TTC29: variants seen among roughly 807,000 people sequenced by gnomAD.
TTC29 encodes the protein tetratricopeptide repeat domain 29.
TTC29 carries 49 observed loss-of-function variants against 58.1 expected under a neutral mutation model. The ratio of observed to expected loss-of-function variants is 0.84; its 90% CI spans 0.67 to 1.07. TTC29 has a LOEUF of 1.07. Ranked by LOEUF, TTC29 falls within the 50% of genes least tolerant of loss-of-function variation. The probability of loss-of-function intolerance (pLI) is 0.00; values close to 1 mark genes in which losing one functional copy is unlikely to be tolerated. For missense variants in TTC29, 582 were observed against 555.6 expected (o/e 1.05, Z -0.48); for synonymous variants, 209 against 196.8 (o/e 1.06, Z -0.52).
At chr4:146,866,438 A>G (rs1730571032) in intron 8 of TTC29, among the ~76,000 whole-genome samples, 1 of 152,010 alleles carries the variant, frequency 6.6e-6, no homozygotes, top group African/African-American at 2.4e-5. Flanking sequence ...TTTTTGGTGC[A>G]GCCTCCCTGG....
At chr4:146,839,314 A>G (rs1728700419) in intron 8 of TTC29, among the ~76,000 whole-genome samples, 1 of 152,088 alleles carries the variant, frequency 6.6e-6, no homozygotes, top group Non-Finnish European at 1.5e-5. Context: ...ATAATCATTT[A>G]TTGTATACCT....
chr4:146,864,797 A>G (rs1730462511), intron 8 of TTC29, among the ~76,000 whole-genome samples: 1 of 152,020 alleles, frequency 6.6e-6, no homozygotes, highest in African/African-American at 2.4e-5. Flanking sequence ...CCTTTTTCTT[A>G]TAAGAATGTT....
chr4:146,744,455 C>G (rs1430814921), intron 11 of TTC29, among the ~76,000 whole-genome samples: 1 of 152,074 alleles, frequency 6.6e-6, no homozygotes, highest in Non-Finnish European at 1.5e-5. Context: ...AATAGGTAAC[C>G]AGTAGCAGAG....
intron 8 of TTC29, among the ~76,000 whole-genome samples, chr4:146,855,415 A>AGC (rs375747987): frequency 1.9e-5 from 1 of 52,016 alleles, no homozygotes; most frequent in Non-Finnish European, 3.2e-5. Flanking sequence ...CCTGGGCGAC[A>AGC]GTGAGAATCC....
chr4:146,868,940 G>A (rs1296549026), intron 7 of TTC29, among the ~76,000 whole-genome samples: 1 of 151,854 alleles, frequency 6.6e-6, no homozygotes, highest in Admixed American at 6.6e-5. Context: ...CATGAGAGCT[G>A]ATTGCTTTAA....
In TTC29 at chr4:146,909,246, A is replaced by G. The variant is rs754534417; in HGVS notation, c.180T>C (p.Tyr60=). ...KGLSKEEVAA[Y]RNSYKKNICV... is the part of the protein sequence containing the mutation. ...AGATATTCTTCTTGTAGGAGTTCCT[A>G]TAACTGGAAATATGAATCAGAACAC... The change falls in exon 5 of 13, where the codon TAT becomes TAC. Residue 60 remains tyrosine, a synonymous_variant. Coordinates refer to ENST00000325106, the MANE Select transcript of TTC29 (RefSeq NM_031956.4). 1.7e-5 allele frequency: 27 copies of G among 1,605,076 alleles called. No homozygotes were observed. Among genetic ancestry groups the G allele is most frequent in the Non-Finnish European group, 2.2e-5 (26 of 1,174,398 alleles).
At chr4:146,815,781 T>C (rs955374871) in intron 10 of TTC29, among the ~76,000 whole-genome samples, 2 of 152,144 alleles carry the variant, frequency 1.3e-5, no homozygotes, top group African/African-American at 2.4e-5. Context: ...GGGTATGCAT[T>C]TGGAATTGAG....
intron 11 of TTC29, among the ~76,000 whole-genome samples, chr4:146,728,858 CACATATATATGTGTGT>C (rs1561066835): frequency 1.9e-4 from 8 of 41,194 alleles, no homozygotes; most frequent in Non-Finnish European, 3.0e-4. Context: ...TATATATATA[CACATATATATGTGTGT>C]GTATATATAT....
At chr4:146,802,175 A>G (rs1439013279) in intron 11 of TTC29, among the ~76,000 whole-genome samples, 1 of 151,982 alleles carries the variant, frequency 6.6e-6, no homozygotes, top group Non-Finnish European at 1.5e-5. Context: ...CTTCTACTAA[A>G]CCTTCATCAG....
chr4:146,854,409 T>C (rs1339078830), intron 8 of TTC29, among the ~76,000 whole-genome samples: 1 of 152,174 alleles, frequency 6.6e-6, no homozygotes, highest in Non-Finnish European at 1.5e-5. Flanking sequence ...CAATCAAAAA[T>C]ATTTTGTGGC....
intron 6 of TTC29, among the ~76,000 whole-genome samples, chr4:146,888,273 A>C (rs1011927036): frequency 1.3e-5 from 2 of 152,188 alleles, no homozygotes; most frequent in African/African-American, 4.8e-5. Flanking sequence ...AATGGAGCAG[A>C]GAGATTACCA....
intron 6 of TTC29, among the ~76,000 whole-genome samples, chr4:146,883,397 T>TG (rs983337980): frequency 1.1e-4 from 14 of 128,146 alleles, no homozygotes; most frequent in Non-Finnish European, 2.2e-4. Context: ...AGTTTCTTTT[T>TG]GTTTTTTTTT....
intron 11 of TTC29, chr4:146,763,726 A>G (rs2150065486): frequency 6.6e-6 from 1 of 152,208 alleles, no homozygotes; most frequent in South Asian, 2.1e-4. Flanking sequence ...AGTAAAAGTG[A>G]TATCAGTTTC....
intron 11 of TTC29, among the ~76,000 whole-genome samples, chr4:146,774,000 A>G (rs538697106): frequency 2.6e-5 from 4 of 151,546 alleles, no homozygotes; most frequent in African/African-American, 9.7e-5. Context: ...GAATTTATCT[A>G]TTTCTTCTAG....
At chr4:146,871,540 C>G (rs1730930558) in intron 7 of TTC29, among the ~76,000 whole-genome samples, 1 of 151,634 alleles carries the variant, frequency 6.6e-6, no homozygotes, top group Admixed American at 6.6e-5. Context: ...ACTGTCAAAG[C>G]TAATAAATGA....
chr4:146,944,867 G>A (rs538684190), intron 2 of TTC29, among the ~76,000 whole-genome samples, 164 bp downstream of exon 2: 7 of 151,320 alleles, frequency 4.6e-5, no homozygotes, highest in South Asian at 2.1e-4. Context: ...GTTTATTCTC[G>A]GTATCATAAT....
chr4:146,829,891 A>G (rs1728047288), intron 9 of TTC29, among the ~76,000 whole-genome samples: 1 of 152,154 alleles, frequency 6.6e-6, no homozygotes, highest in Non-Finnish European at 1.5e-5. Flanking sequence ...TCTTTTAAAT[A>G]ATCTGAGTAT....
chr4:146,854,082 C>T (rs28694531), intron 8 of TTC29, among the ~76,000 whole-genome samples: 8,929 of 152,120 alleles, frequency 0.059, 900 homozygotes, highest in African/African-American at 0.2. Context: ...TTTCCTAGAG[C>T]GTCCCAGCAG....
At chr4:146,944,347 C>T (rs964580006) in intron 2 of TTC29, 1 of 152,206 alleles carries the variant, frequency 6.6e-6, no homozygotes, top group Non-Finnish European at 1.5e-5. Context: ...AGTTTGGCCC[C>T]CACATGCAAA....
Sources: gnomAD v4.1 joint callset for allele counts (sites outside exome capture counted in the v4.1 genomes callset) on GRCh38, gnomAD v4.1.1 for gene constraint, MANE v1.5 for transcripts, NCBI Gene and HGNC (gene_info 2026-07-23, HGNC 2026-07-21) for gene names.